MPDZ: variants seen among roughly 807,000 people sequenced by gnomAD.
MPDZ encodes multiple PDZ domain protein.
In MPDZ, 234 loss-of-function variants were observed where a neutral mutation model predicts 239.1. The observed-to-expected ratio is 0.98, with a 90% CI of 0.88 to 1.09. The LOEUF (loss-of-function observed/expected upper bound fraction) is 1.09. Ranked by LOEUF, MPDZ falls within the 50% of genes least tolerant of loss-of-function variation. The probability of loss-of-function intolerance (pLI) is 0.00; values close to 1 mark genes in which losing one functional copy is unlikely to be tolerated. For missense variants in MPDZ, 3,175 were observed against 2,510.0 expected (o/e 1.26, Z -5.66); for synonymous variants, 1,048 against 881.3 (o/e 1.19, Z -3.35).
In MPDZ at chr9:13,106,966, C is replaced by A. The variant is rs1411536970; in HGVS notation, c.6212G>T (p.Ter2071LeuextTer6). ...GTTGGTTCAATTCTGGCAGCCAATT[C>A]AAGAGAGAACCATCAAAGTGACAGT... ...KGTVTLMVLS[*>L] Residue 2071 changes from the stop codon to leucine, a stop_lost, in exon 47 of 47, where the codon TGA becomes TTA. Coordinates refer to ENST00000319217, the MANE Select transcript of MPDZ (RefSeq NM_001378778.1). The A allele has an allele frequency of 6.2e-7, 1 of 1,613,332 alleles. No homozygotes were observed. The highest frequency in any genetic ancestry group is 1.1e-5 in the South Asian group (1 of 91,038).
chr9:13,197,136 C>G (rs1283619713), intron 12 of MPDZ, among the ~76,000 whole-genome samples: 1 of 148,502 alleles, frequency 6.7e-6, no homozygotes, highest in Non-Finnish European at 1.5e-5. Context: ...CTGTTTTCTC[C>G]TTAAAAGACT....
chr9:13,192,277 G>A lies in MPDZ; in HGVS notation c.1822C>T (p.Leu608Phe). Residue 608 changes from leucine to phenylalanine, a missense_variant, in exon 15 of 47, where the codon CTT becomes TTT. Transcript: ENST00000319217. ...ELLEVNGITL[L>F]GENHQDVVNI... Reference sequence around the variant, plus strand: ...ACCACATCTTGGTGATTTTCCCCAAGTAAAGTTATGCCATTTACCTGTGAA... The same window carrying A: ...ACCACATCTTGGTGATTTTCCCCAAATAAAGTTATGCCATTTACCTGTGAA... 6.3e-7 allele frequency: 1 copy of A among 1,598,968 alleles called. No individual in the cohort carries two copies. Among genetic ancestry groups the A allele is most frequent in the Non-Finnish European group, 8.5e-7 (1 of 1,171,578 alleles).
rs777514322 is a variant in MPDZ, at chr9:13,107,055, A to G, written c.6123T>C (p.Asn2041=). The G allele has an allele frequency of 3.7e-6, 6 of 1,608,790 alleles. No individual in the cohort carries two copies. The highest frequency in any genetic ancestry group is 1.3e-5 in the African/African-American group (1 of 74,880). The stretch of plus-strand genomic sequence containing the variant: ...GGGTGACTCCTTCTAGACTCTGCCC[A>G]TTGACAGCAATGATCTGATCGCCCC... ...LKRGDQIIAV[N]GQSLEGVTHE... Residue 2041 remains asparagine (N), a synonymous_variant, in exon 47 of 47, where the codon AAT becomes AAC. Coordinates refer to ENST00000319217, the MANE Select transcript of MPDZ (RefSeq NM_001378778.1).
intron 24 of MPDZ, among the ~76,000 whole-genome samples, chr9:13,155,889 T>G (rs1285758682): frequency 6.6e-6 from 1 of 152,156 alleles, no homozygotes; most frequent in African/African-American, 2.4e-5. Flanking sequence ...GAGTACCTTC[T>G]TAGAAGGATT....
intron 39 of MPDZ, 62 bp downstream of exon 39, chr9:13,119,440 A>G (rs911242513): frequency 2.0e-6 from 3 of 1,536,348 alleles, no homozygotes; most frequent in Admixed American, 2.0e-5. Context: ...ATGATAGCCC[A>G]ATGTTAAAAT....
At chr9:13,126,621 T>C (rs1382365991) in intron 33 of MPDZ, 31 bp from the exon 34 acceptor site, 2 of 1,611,634 alleles carry the variant, frequency 1.2e-6, no homozygotes, top group South Asian at 1.1e-5. Context: ...ATTTGAGTGA[T>C]ATTCCAAAAG....
chr9:13,143,817 C>CT (rs1401820204), intron 26 of MPDZ, among the ~76,000 whole-genome samples: 1 of 152,056 alleles, frequency 6.6e-6, no homozygotes, highest in Admixed American at 6.6e-5. Context: ...TCCCAAATTT[C>CT]TTTTATTTTT....
rs35440352 is a variant in MPDZ at position 13,222,419 on chromosome 9, T to G, written c.561A>C (p.Gln187His). Residue 187 changes from glutamine to histidine, a missense_variant, in exon 6 of 47, where the codon CAA becomes CAC. Gln to His is a conservative substitution (Grantham distance 24, BLOSUM62 0). Transcript: ENST00000319217. ...GAGCCTGTCCATTGATAGCAAGAAT[T>G]TGATCAGTTTCTTTCAATCTTCCAT... Reference protein sequence around the residue: ...HRDGRLKETDQILAINGQALD... With the variant: ...HRDGRLKETDHILAINGQALD... 1 of 1,612,200 alleles carries G rather than the reference T, an allele frequency of 6.2e-7. No individual in the cohort carries two copies.
In MPDZ at chr9:13,205,079, T is replaced by A; in HGVS notation, c.1503A>T (p.Leu501Phe). 6.9e-7 allele frequency: 1 copy of A among 1,459,604 alleles called. No homozygotes were observed. Among genetic ancestry groups the A allele is most frequent in the Non-Finnish European group, 9.0e-7 (1 of 1,107,598 alleles). 90.4% of individuals were successfully genotyped at this position (1,459,604 alleles called of 1,614,324 possible). ...KENYEKDEDF[L>F]SSTRNTNILP... Reference sequence around the variant, plus strand: ...ATATGTTGGTGTTTCTCGTCGAAGATAAAAAATCTTCATCTTTTTCATAAT... The same window carrying A: ...ATATGTTGGTGTTTCTCGTCGAAGAAAAAAAATCTTCATCTTTTTCATAAT... Residue 501 changes from leucine to phenylalanine, a missense_variant, in exon 12 of 47, where the codon TTA becomes TTT. Coordinates refer to ENST00000319217, the MANE Select transcript of MPDZ (RefSeq NM_001378778.1).
chr9:13,255,918 C>G (rs1969322709), intron 1 of MPDZ, among the ~76,000 whole-genome samples: 1 of 152,162 alleles, frequency 6.6e-6, no homozygotes, highest in East Asian at 1.9e-4. Context: ...GCTTTGAAGC[C>G]AGACATTGAC....
At chr9:13,116,689 TTC>T (rs1268783266) in intron 39 of MPDZ, among the ~76,000 whole-genome samples, 1 of 152,208 alleles carries the variant, frequency 6.6e-6, no homozygotes, top group Non-Finnish European at 1.5e-5. Flanking sequence ...CCTGTAACAC[TTC>T]TCTTTCAAAT....
At chr9:13,128,577 C>T (rs1401265801) in intron 32 of MPDZ, among the ~76,000 whole-genome samples, 2 of 152,154 alleles carry the variant, frequency 1.3e-5, no homozygotes, top group Non-Finnish European at 2.9e-5. Flanking sequence ...TAAATGCCTG[C>T]TGTTTAAGTT....
chr9:13,114,925 T>A (rs1032205203), intron 40 of MPDZ, among the ~76,000 whole-genome samples: 16 of 151,760 alleles, frequency 1.1e-4, no homozygotes, highest in Admixed American at 4.6e-4. Flanking sequence ...ATAAATAAAA[T>A]AAATAAAATA....
At position 13,109,060 on chromosome 9, in the gene MPDZ, C is replaced by G; in HGVS notation, c.5943-1G>C. 7.0e-7 allele frequency: 1 copy of G among 1,420,500 alleles called. No homozygotes were observed. The highest frequency in any genetic ancestry group is 1.5e-5 in the African/African-American group (1 of 68,420). The allele number at this position is 1,420,500 out of a possible 1,614,324, so 88.0% of individuals were successfully genotyped here. A position where few individuals can be genotyped will look rare whatever the true frequency, so the allele number is the denominator to read the frequency against. On this transcript the variant is annotated splice_acceptor_variant, in intron 45 of 46. Coordinates refer to ENST00000319217, the MANE Select transcript of MPDZ (RefSeq NM_001378778.1). LOFTEE classifies it high-confidence loss of function. ...TGTAATAGACTTACATTGAGGAGGT[C>G]TACGGTGAAGGAAAGGAAAAAGAGG...
chr9:13,254,468 T>C (rs893826828), intron 1 of MPDZ, among the ~76,000 whole-genome samples: 6 of 152,226 alleles, frequency 3.9e-5, no homozygotes. Flanking sequence ...ACACAGTATA[T>C]TGTTGTAATT....
chr9:13,222,223 A>C lies in MPDZ; in HGVS notation c.747+10T>G, dbSNP rs1388354618. On this transcript the variant is annotated intron_variant, in intron 6 of 46. Coordinates refer to ENST00000319217, the MANE Select transcript of MPDZ (RefSeq NM_001378778.1). ...ACGTTCTGTTCCTTTTGAAAATTTT[A>C]GGTACTCACCGGATTAGAGTGAGCT... is the stretch of plus-strand genomic sequence containing the variant. 6.3e-7 allele frequency: 1 copy of C among 1,597,898 alleles called. No homozygotes were observed.
chr9:13,228,830 T>A (rs1220806771), intron 3 of MPDZ, among the ~76,000 whole-genome samples: 1 of 152,146 alleles, frequency 6.6e-6, no homozygotes, highest in Non-Finnish European at 1.5e-5. Context: ...AATTTGTATA[T>A]TATATAATAA....
At chr9:13,153,032 C>T (rs1169225134) in intron 24 of MPDZ, among the ~76,000 whole-genome samples, 2 of 152,022 alleles carry the variant, frequency 1.3e-5, no homozygotes, top group East Asian at 1.9e-4. Context: ...CAAAGGAAGA[C>T]AATGTTGGAC....
chr9:13,160,825 T>G, intron 23 of MPDZ, among the ~76,000 whole-genome samples: 1 of 99,872 alleles, frequency 1.0e-5, no homozygotes, highest in African/African-American at 3.8e-5. Context: ...TTGTCATTAT[T>G]AAAATTATAT....
Sources: allele counts gnomAD v4.1 joint callset (sites outside exome capture counted in the v4.1 genomes callset), GRCh38; gene constraint gnomAD v4.1.1; transcripts MANE v1.5; gene names NCBI Gene and HGNC (gene_info 2026-07-23, HGNC 2026-07-21).